Variants in SNX14 observed in about 807,000 individuals in gnomAD.
The protein encoded by SNX14 is sorting nexin-14.
Under a neutral mutation model 133.8 loss-of-function variants are expected in SNX14, and 93 were observed. The observed-to-expected ratio is 0.70, with a 90% CI of 0.59 to 0.83. The LOEUF (loss-of-function observed/expected upper bound fraction) is 0.83. SNX14 is among the 40% of genes least tolerant of loss of function. SNX14 has a pLI of 0.00. For missense variants in SNX14, 945 were observed against 1,094.9 expected (o/e 0.86, Z 1.93); for synonymous variants, 368 against 365.6 (o/e 1.01, Z -0.07).
Position 85,506,054 on chromosome 6 carries a change from T to C in SNX14, c.2803-49A>G, listed in dbSNP as rs188733709. On this transcript the variant is annotated intron_variant, in intron 28 of 28. Transcript: ENST00000314673. ...AATAGAAGACAAGACACAGGTTCATTTGTAAATTGCCTAACAGCTCTAGTG... is the reference window on the plus strand; with the variant it reads ...AATAGAAGACAAGACACAGGTTCATCTGTAAATTGCCTAACAGCTCTAGTG... 557 of 1,241,114 alleles carry C rather than the reference T, an allele frequency of 4.5e-4. 2 individuals are homozygous for C. The African/African-American group carries it at 5.1e-3, about 11-fold the overall frequency. The allele number at this position is 1,241,114 out of a possible 1,614,324, so 76.9% of individuals were successfully genotyped here.
chr6:85,547,541 T>C lies in SNX14; in HGVS notation c.877A>G (p.Asn293Asp). 1 of 1,602,454 alleles carries C rather than the reference T, an allele frequency of 6.2e-7. No individual in the cohort carries two copies. Reference sequence around the variant, plus strand: ...TCTATGAAGATGATAAGCAAATGATTCACAGTATCCTAGTGGAAAATAATA... The same window carrying C: ...TCTATGAAGATGATAAGCAAATGATCCACAGTATCCTAGTGGAAAATAATA... ...LDFLADPDTV[N>D]HLLIIFIDDS... The change falls in exon 10 of 29, where the codon AAT becomes GAT. Residue 293 changes from asparagine (N) to aspartate (D), a missense_variant. Coordinates refer to ENST00000314673, the MANE Select transcript of SNX14 (RefSeq NM_153816.6).
At chr6:85,569,169 T>A (rs942345257) in intron 4 of SNX14, among the ~76,000 whole-genome samples, 3 of 151,990 alleles carry the variant, frequency 2.0e-5, no homozygotes, top group Admixed American at 1.3e-4. Context: ...TCCATGTTGG[T>A]CAGGCTGGTC....
At chr6:85,593,077 A>T (rs1362216093) in intron 1 of SNX14, among the ~76,000 whole-genome samples, 1 of 152,244 alleles carries the variant, frequency 6.6e-6, no homozygotes, top group Admixed American at 6.5e-5. Context: ...TCTGTCCAAC[A>T]AATCTTTATG....
chr6:85,555,217 T>G (rs996844065), intron 7 of SNX14, among the ~76,000 whole-genome samples: 2 of 152,204 alleles, frequency 1.3e-5, no homozygotes, highest in East Asian at 3.8e-4. Context: ...TCTGAGAGGC[T>G]TCTTGTCTTT....
At chr6:85,573,031 C>G (rs921862371) in intron 2 of SNX14, among the ~76,000 whole-genome samples, 1 of 152,168 alleles carries the variant, frequency 6.6e-6, no homozygotes, top group African/African-American at 2.4e-5. Flanking sequence ...TCTCTTTCTC[C>G]AAAATCTTGA....
intron 1 of SNX14, among the ~76,000 whole-genome samples, chr6:85,593,180 G>A (rs1264901312): frequency 6.6e-6 from 1 of 152,190 alleles, no homozygotes; most frequent in Non-Finnish European, 1.5e-5. Context: ...CGCTGCAGGT[G>A]TGCGGATTCT....
At chr6:85,556,006 A>C (rs1404251849) in intron 7 of SNX14, among the ~76,000 whole-genome samples, 1 of 152,040 alleles carries the variant, frequency 6.6e-6, no homozygotes, top group Non-Finnish European at 1.5e-5. Context: ...AAAAAAAAAA[A>C]ACACCAAAAA....
At chr6:85,515,258 C>CT (rs1322435970) in intron 23 of SNX14, among the ~76,000 whole-genome samples, 2 of 111,208 alleles carry the variant, frequency 1.8e-5, no homozygotes, top group Non-Finnish European at 1.7e-5. Context: ...CAGAGCAAGA[C>CT]CGTCAAAAAA....
chr6:85,588,445 C>T (rs1053759417), intron 1 of SNX14, among the ~76,000 whole-genome samples: 1 of 151,882 alleles, frequency 6.6e-6, no homozygotes, highest in Admixed American at 6.6e-5. Context: ...GGCGCGGTGG[C>T]GGGCGCCTGT....
rs9450295 is a variant in SNX14, at chr6:85,548,156, A to C, written c.867+145T>G. Reference sequence around the variant, plus strand: ...AGAGTTTCAATTTCATAAGATGAAGAGTTCTGGAGATGGGGAATGGGGATG... The same window carrying C: ...AGAGTTTCAATTTCATAAGATGAAGCGTTCTGGAGATGGGGAATGGGGATG... On this transcript the variant is annotated intron_variant, in intron 9 of 28. Transcript: ENST00000314673. The C allele has an allele frequency of 0.08, 48,269 of 604,738 alleles. 3,015 individuals carry two copies. The highest frequency in any genetic ancestry group is 0.26 in the African/African-American group (13,657 of 52,588). The allele number at this position is 604,738 out of a possible 1,614,324, so 37.5% of individuals were successfully genotyped here.
At position 85,533,496 on chromosome 6, in the gene SNX14, A is replaced by G. The variant is rs149590715; in HGVS notation, c.1810+103T>C. 1.2e-5 allele frequency: 12 copies of G among 1,039,526 alleles called. No individual in the cohort carries two copies. In the East Asian group the frequency reaches 2.7e-4, roughly 23 times the overall value. 64.4% of individuals were successfully genotyped at this position (1,039,526 alleles called of 1,614,324 possible). On this transcript the variant is annotated intron_variant, in intron 18 of 28. Transcript: ENST00000314673. ...CTGGACACTTCTCTTTTGGATATGCAGCCATATTTGTTAGTTAGAAGTGGC... is the reference window on the plus strand; with the variant it reads ...CTGGACACTTCTCTTTTGGATATGCGGCCATATTTGTTAGTTAGAAGTGGC...
intron 2 of SNX14, among the ~76,000 whole-genome samples, 197 bp downstream of exon 2, chr6:85,574,060 AT>A (rs1796510477): frequency 4.3e-5 from 2 of 46,290 alleles, no homozygotes; most frequent in Non-Finnish European, 1.4e-4. Context: ...GGATTTTTTT[AT>A]AATAATAAAA....
At chr6:85,589,642 T>C (rs1802192287) in intron 1 of SNX14, 4 of 152,280 alleles carry the variant, frequency 2.6e-5, no homozygotes, top group Admixed American at 2.6e-4. Context: ...TGAATTTCTG[T>C]AAGATCCTTA....
At chr6:85,530,165 A>C (rs770509314) in intron 19 of SNX14, 27 bp downstream of exon 19, 1 of 1,387,742 alleles carries the variant, frequency 7.2e-7, no homozygotes, top group Non-Finnish European at 1.0e-6. Context: ...CTGAAATGTA[A>C]TGTTTTATCC....
chr6:85,543,252 A>G lies in SNX14; in HGVS notation c.1319T>C (p.Phe440Ser), dbSNP rs1317543681. ...GGAAAGAACATGTTCATATGCTTCA[A>G]AAAGACATCTCATAGTTTGAAGTTT... ...VVKLQTMRCLFEAYEHVLSLL... is the reference protein window; with the variant it reads ...VVKLQTMRCLSEAYEHVLSLL... The change falls in exon 14 of 29, where the codon TTT becomes TCT. Residue 440 changes from phenylalanine (F) to serine (S), a missense_variant. Physicochemically the swap from Phe to Ser is radical, Grantham distance 155. This residue lies in a region of SNX14 where 514 missense variants were observed against 538.8 expected (regional missense o/e 0.95). Transcript: ENST00000314673. The G allele has an allele frequency of 1.2e-6, 2 of 1,602,866 alleles. No homozygotes were observed. Among genetic ancestry groups the G allele is most frequent in the Middle Eastern group, 1.7e-4 (1 of 6,008 alleles).
chr6:85,508,638 G>C (rs879464250), intron 26 of SNX14, among the ~76,000 whole-genome samples: 2,505 of 152,144 alleles, frequency 0.016, 35 homozygotes, highest in Middle Eastern at 0.051. Flanking sequence ...TTTTGCATAA[G>C]TTACTATTAA....
intron 25 of SNX14, 42 bp from the exon 26 acceptor site, chr6:85,513,937 ATT>A: frequency 6.4e-7 from 1 of 1,572,154 alleles, no homozygotes; most frequent in Non-Finnish European, 8.7e-7. Flanking sequence ...ATTTTCATCT[ATT>A]TATACACAAA....
chr6:85,578,288 G>A (rs1170982282), intron 1 of SNX14, among the ~76,000 whole-genome samples: 1 of 152,182 alleles, frequency 6.6e-6, no homozygotes, highest in Non-Finnish European at 1.5e-5. Context: ...TACATTTGTA[G>A]ATTTGGTAAC....
chr6:85,578,563 T>A (rs1798035045), intron 1 of SNX14, among the ~76,000 whole-genome samples: 6 of 152,150 alleles, frequency 3.9e-5, no homozygotes, highest in Admixed American at 3.9e-4. Context: ...GCAAACAGCA[T>A]CAATGATCCC....
Sources: allele counts gnomAD v4.1 joint callset (sites outside exome capture counted in the v4.1 genomes callset), GRCh38; gene constraint gnomAD v4.1.1; regional missense constraint gnomAD v4.1.1; transcripts MANE v1.5; gene names NCBI Gene and HGNC (gene_info 2026-07-23, HGNC 2026-07-21).